SYNE2: variants seen among roughly 807,000 people sequenced by gnomAD.
SYNE2 encodes nesprin-2.
SYNE2 carries 431 observed loss-of-function variants against 856.3 expected under a neutral mutation model. The observed-to-expected ratio is 0.50, with a 90% CI of 0.47 to 0.55. SYNE2 has a LOEUF of 0.55. Ranked by LOEUF, SYNE2 falls within the 20% of genes least tolerant of loss-of-function variation. The probability of loss-of-function intolerance (pLI) is 0.00; values close to 1 mark genes in which losing one functional copy is unlikely to be tolerated. For synonymous variants in SYNE2, 2,923 were observed against 2,872.3 expected (o/e 1.02, Z -0.56); for missense variants, 8,129 against 8,023.2 (o/e 1.01, Z -0.50).
At chr14:63,909,724 C>G (rs2095450169) in intron 2 of SYNE2, among the ~76,000 whole-genome samples, 1 of 152,058 alleles carries the variant, frequency 6.6e-6, no homozygotes, top group South Asian at 2.1e-4. Context: ...GTCTGTAATC[C>G]CAGCTACTTG....
intron 11 of SYNE2, among the ~76,000 whole-genome samples, chr14:63,971,579 A>G (rs936802466): frequency 7.0e-6 from 1 of 142,510 alleles, no homozygotes; most frequent in Non-Finnish European, 1.5e-5. Flanking sequence ...CCATGTTATC[A>G]TTTTTTTTTT....
In SYNE2 at chr14:64,167,628, A is replaced by C; in HGVS notation, c.16894A>C (p.Lys5632Gln). Residue 5632 changes from lysine (K) to glutamine (Q), a missense_variant, in exon 92 of 116, where the codon AAA (lysine) becomes CAA (glutamine). Physicochemically the swap from Lys to Gln is moderately conservative, Grantham distance 53. This residue lies in a region of SYNE2 where 5,410 missense variants were observed against 5,284.8 expected (regional missense o/e 1.02). Coordinates refer to ENST00000555002, the MANE Select transcript of SYNE2 (RefSeq NM_182914.3). ...CCTTCCTGAGCTCCTGGAGCAGCAG[A>C]AAACCTATAAGGTAAACCTGTGTTC... Reference protein sequence around the residue: ...NSLPELLEQQKTYKMLEAEVS... With the variant: ...NSLPELLEQQQTYKMLEAEVS... 6.2e-7 allele frequency: 1 copy of C among 1,614,230 alleles called. No individual in the cohort carries two copies. Among genetic ancestry groups the C allele is most frequent in the African/African-American group, 1.3e-5 (1 of 75,058 alleles).
At chr14:64,009,086 G>A (rs971522346) in intron 31 of SYNE2, among the ~76,000 whole-genome samples, 1 of 152,046 alleles carries the variant, frequency 6.6e-6, no homozygotes, top group Non-Finnish European at 1.5e-5. Context: ...ATTTTACTGA[G>A]GAAAGAATTG....
At chr14:63,995,316 C>A in intron 23 of SYNE2, 114 bp downstream of exon 23, 1 of 842,344 alleles carries the variant, frequency 1.2e-6, no homozygotes, top group Non-Finnish European at 1.9e-6. Flanking sequence ...CCTAGCCCTC[C>A]TCTCCCCGGG....
rs548806551 is a variant in SYNE2, at chr14:63,771,107, TG to T, written c.-305+9123del. Among the ~76,000 whole-genome samples the T allele has an allele frequency of 2.7e-3, 409 of 148,988 alleles. 1 individual carries two copies. Among genetic ancestry groups the T allele is most frequent in the Non-Finnish European group, 4.2e-3 (284 of 67,560 alleles). On this transcript the variant is annotated intron_variant, in intron 1 of 23. Coordinates refer to the SYNE2 transcript ENST00000674003. The stretch of plus-strand genomic sequence containing the variant: ...TTTTTTGAGACGGAGTCTCGCTCTG[TG>T]GCCCAGGCGGGAGCGCAGTGGCGCA...
rs1312773955 is a variant in SYNE2, at chr14:64,201,163, G to A, written c.18039-1638G>A. ...GTGCAGAGCTCTTAGATGGGAGAATGGAACTTGGGCCCAGGTCTGCTTGCC... is the reference window on the plus strand; with the variant it reads ...GTGCAGAGCTCTTAGATGGGAGAATAGAACTTGGGCCCAGGTCTGCTTGCC... On this transcript the variant is annotated intron_variant, in intron 99 of 115. Coordinates refer to ENST00000555002, the MANE Select transcript of SYNE2 (RefSeq NM_182914.3). Among the ~76,000 whole-genome samples, 4 of 152,156 alleles carry A rather than the reference G, an allele frequency of 2.6e-5. No individual in the cohort carries two copies. The East Asian group carries it at 7.7e-4, about 29-fold the overall frequency.
At chr14:64,219,850 A>C (rs140104515) in intron 110 of SYNE2, among the ~76,000 whole-genome samples, 6 of 152,224 alleles carry the variant, frequency 3.9e-5, no homozygotes, top group Non-Finnish European at 7.4e-5. Context: ...CCGTGGCCTG[A>C]CCTCATTACC....
At chr14:63,836,257 C>T (rs906696101) in intron 1 of SYNE2, among the ~76,000 whole-genome samples, 6 of 152,144 alleles carry the variant, frequency 3.9e-5, no homozygotes, top group Admixed American at 6.6e-5. Context: ...CTCCTGGGCT[C>T]ATGCAATCTG....
intron 105 of SYNE2, 57 bp downstream of exon 105, chr14:64,213,062 C>A: frequency 6.3e-7 from 1 of 1,584,616 alleles, no homozygotes; most frequent in Non-Finnish European, 8.6e-7. Context: ...TACGTGAGAC[C>A]AAATTTTTAA....
At chr14:64,078,343 TCCCC>T in intron 54 of SYNE2, 119 bp from the exon 55 acceptor site, 1 of 1,176,728 alleles carries the variant, frequency 8.5e-7, no homozygotes, top group Non-Finnish European at 1.2e-6. Context: ...CAGAATTTCT[TCCCC>T]CAGCCCTTAA....
chr14:64,213,240 C>T (rs1401176288), intron 105 of SYNE2, among the ~76,000 whole-genome samples: 1 of 152,216 alleles, frequency 6.6e-6, no homozygotes, highest in Non-Finnish European at 1.5e-5. Context: ...GGCGCATGCT[C>T]CACGAGTCGC....
rs1348818091 is a variant in SYNE2, at chr14:63,921,007, C to T, written c.79+11780C>T. Among the ~76,000 whole-genome samples, 3 of 152,068 alleles carry T rather than the reference C, an allele frequency of 2.0e-5. No homozygotes were observed. In the East Asian group the frequency reaches 5.8e-4, roughly 29 times the overall value. On this transcript the variant is annotated intron_variant, in intron 2 of 115. Coordinates refer to ENST00000555002, the MANE Select transcript of SYNE2 (RefSeq NM_182914.3). ...GCATGCACCTGTAATCTCAGCTACTCTGGAGGCCGAGACAGGAGAATAGCT... is the reference window on the plus strand; with the variant it reads ...GCATGCACCTGTAATCTCAGCTACTTTGGAGGCCGAGACAGGAGAATAGCT...
intron 1 of SYNE2, among the ~76,000 whole-genome samples, chr14:63,899,259 T>G (rs2095303420): frequency 6.6e-6 from 1 of 152,110 alleles, no homozygotes; most frequent in African/African-American, 2.4e-5. Flanking sequence ...TGGAGTGCAG[T>G]GTCACGATCT....
chr14:63,810,936 G>A (rs909047179), intron 1 of SYNE2, among the ~76,000 whole-genome samples: 8 of 152,118 alleles, frequency 5.3e-5, no homozygotes, highest in African/African-American at 1.9e-4. Context: ...CTGGGTTCAA[G>A]CGATTCTCCT....
At chr14:63,856,966 C>T (rs937623312) in intron 1 of SYNE2, among the ~76,000 whole-genome samples, 2 of 152,058 alleles carry the variant, frequency 1.3e-5, no homozygotes, top group African/African-American at 4.8e-5. Flanking sequence ...GAAGAGGTCT[C>T]ACCATGTTGC....
At chr14:63,939,614 C>G (rs1273093766) in intron 2 of SYNE2, among the ~76,000 whole-genome samples, 2 of 152,122 alleles carry the variant, frequency 1.3e-5, no homozygotes, top group Non-Finnish European at 2.9e-5. Context: ...TCCCAAAGTG[C>G]TGAGATTACA....
intron 1 of SYNE2, among the ~76,000 whole-genome samples, chr14:63,795,753 A>C (rs937998117): frequency 6.6e-6 from 1 of 152,198 alleles, no homozygotes; most frequent in Non-Finnish European, 1.5e-5. Context: ...AAACAACCCA[A>C]AAGTCCATCC....
At chr14:63,928,023 G>A (rs1417553517) in intron 2 of SYNE2, among the ~76,000 whole-genome samples, 1 of 151,692 alleles carries the variant, frequency 6.6e-6, no homozygotes, top group Non-Finnish European at 1.5e-5. Context: ...TCAGCAGCAT[G>A]AGAATGGACT....
At chr14:64,163,692 T>TA (rs1371848294) in intron 89 of SYNE2, 111 bp downstream of exon 89, 1 of 1,263,870 alleles carries the variant, frequency 7.9e-7, no homozygotes, top group East Asian at 2.5e-5. Context: ...TTAGCAAAAT[T>TA]ACAGACTGAA....
Sources: gnomAD v4.1 joint callset for allele counts (sites outside exome capture counted in the v4.1 genomes callset) on GRCh38, gnomAD v4.1.1 for gene constraint, gnomAD v4.1.1 regional missense constraint, MANE v1.5 for transcripts, NCBI Gene and HGNC (gene_info 2026-07-23, HGNC 2026-07-21) for gene names.